Variants in RSRC1 observed in about 807,000 individuals in gnomAD.
The protein encoded by RSRC1 is arginine and serine rich coiled-coil 1.
A neutral mutation model predicts 49.1 loss-of-function variants in RSRC1; 39 were observed. The ratio of observed to expected loss-of-function variants is 0.79; its 90% confidence interval spans 0.61 to 1.04. The LOEUF is 1.04. Ranked by LOEUF, RSRC1 falls within the 50% of genes least tolerant of loss-of-function variation. The pLI is 0.00. For synonymous variants in RSRC1, 143 were observed against 130.8 expected (o/e 1.09, Z -0.63); for missense variants, 388 against 402.4 (o/e 0.96, Z 0.31).
At chr3:158,395,571 A>G (rs1414567369) in intron 6 of RSRC1, among the ~76,000 whole-genome samples, 3 of 152,168 alleles carry the variant, frequency 2.0e-5, no homozygotes, top group African/African-American at 7.2e-5. Flanking sequence ...CAAGTACACA[A>G]AAATGTGCTC....
At chr3:158,201,363 T>A (rs1721035579) in intron 3 of RSRC1, among the ~76,000 whole-genome samples, 1 of 152,282 alleles carries the variant, frequency 6.6e-6, no homozygotes, top group African/African-American at 2.4e-5. Flanking sequence ...CTTACTTGGT[T>A]TGTTGAACTT....
At chr3:158,463,811 C>T (rs2108409844) in intron 7 of RSRC1, among the ~76,000 whole-genome samples, 1 of 152,214 alleles carries the variant, frequency 6.6e-6, no homozygotes, top group Non-Finnish European at 1.5e-5. Context: ...CTTTGCCTTC[C>T]AGCCTTTAAC....
At chr3:158,315,192 A>T (rs1206269815) in intron 5 of RSRC1, among the ~76,000 whole-genome samples, 1 of 152,188 alleles carries the variant, frequency 6.6e-6, no homozygotes, top group East Asian at 1.9e-4. Context: ...CTTTGAATGG[A>T]TGGTTACATG....
At chr3:158,161,798 G>C (rs1467721757) in intron 3 of RSRC1, among the ~76,000 whole-genome samples, 1 of 151,918 alleles carries the variant, frequency 6.6e-6, no homozygotes, top group Non-Finnish European at 1.5e-5. Flanking sequence ...TAAAATGTGT[G>C]GCTACAAACA....
At chr3:158,371,961 G>T (rs1329751901) in intron 6 of RSRC1, among the ~76,000 whole-genome samples, 1 of 151,574 alleles carries the variant, frequency 6.6e-6, no homozygotes, top group East Asian at 1.9e-4. Context: ...GGTGAATGAT[G>T]TTAAGCACTC....
intron 6 of RSRC1, among the ~76,000 whole-genome samples, chr3:158,448,470 T>A (rs1242057123): frequency 1.3e-5 from 2 of 151,906 alleles, no homozygotes; most frequent in Non-Finnish European, 2.9e-5. Context: ...GCAAAAGGCT[T>A]ATACAAAAGG....
At chr3:158,247,030 C>G (rs1328194485) in intron 4 of RSRC1, among the ~76,000 whole-genome samples, 1 of 151,954 alleles carries the variant, frequency 6.6e-6, no homozygotes, top group Non-Finnish European at 1.5e-5. Context: ...TTCATAGATT[C>G]AGTCTCTTTA....
chr3:158,540,326 A>G (rs769652491), intron 8 of RSRC1, among the ~76,000 whole-genome samples: 5 of 152,196 alleles, frequency 3.3e-5, no homozygotes, highest in Non-Finnish European at 7.3e-5. Context: ...TTAAATGTCT[A>G]TAAAAGTTAA....
chr3:158,171,103 C>T (rs1224542415), intron 3 of RSRC1, among the ~76,000 whole-genome samples: 3 of 152,154 alleles, frequency 2.0e-5, no homozygotes, highest in Non-Finnish European at 4.4e-5. Flanking sequence ...GACCTGGACT[C>T]ACCCTTACAC....
At chr3:158,488,871 G>T (rs1738944873) in intron 7 of RSRC1, among the ~76,000 whole-genome samples, 1 of 152,146 alleles carries the variant, frequency 6.6e-6, no homozygotes, top group South Asian at 2.1e-4. Context: ...ATTGCATGAG[G>T]TCATGCAGCC....
chr3:158,489,176 T>C (rs889862969), intron 7 of RSRC1, among the ~76,000 whole-genome samples: 30 of 152,340 alleles, frequency 2.0e-4, no homozygotes, highest in African/African-American at 6.5e-4. Flanking sequence ...ACATAAAAGG[T>C]TTTTTCCTTC....
chr3:158,544,740 C>G lies in RSRC1; in HGVS notation c.*465C>G, dbSNP rs551222677. 1 of 152,140 alleles carries G rather than the reference C, an allele frequency of 6.6e-6. No homozygotes were observed. Among genetic ancestry groups the G allele is most frequent in the African/African-American group, 2.4e-5 (1 of 41,390 alleles). The allele number at this position is 152,140 out of a possible 1,614,324, so 9.4% of individuals were successfully genotyped here. ...ATTTTTAGGCACAATAAAAAGCACC[C>G]TAAACAATGTAAGCAGAATGTGCAT... is the stretch of plus-strand genomic sequence containing the variant. On this transcript the variant is annotated 3_prime_UTR_variant, in exon 10 of 10. Coordinates refer to ENST00000611884, the MANE Select transcript of RSRC1 (RefSeq NM_001271838.2).
At chr3:158,150,307 T>C (rs1717442024) in intron 3 of RSRC1, among the ~76,000 whole-genome samples, 1 of 152,228 alleles carries the variant, frequency 6.6e-6, no homozygotes, top group South Asian at 2.1e-4. Context: ...AGATTATGTT[T>C]GTTATTTGCC....
At chr3:158,208,340 T>C (rs1721462972) in intron 4 of RSRC1, among the ~76,000 whole-genome samples, 1 of 152,152 alleles carries the variant, frequency 6.6e-6, no homozygotes, top group Non-Finnish European at 1.5e-5. Context: ...TACTCCGTAG[T>C]CAGAGCAACT....
intron 6 of RSRC1, among the ~76,000 whole-genome samples, chr3:158,423,142 GT>G: frequency 6.6e-6 from 1 of 151,826 alleles, no homozygotes; most frequent in East Asian, 1.9e-4. Context: ...TAGACATGAA[GT>G]CCTTGCCCAT....
chr3:158,360,597 A>T (rs1731411178), intron 6 of RSRC1, among the ~76,000 whole-genome samples: 1 of 152,198 alleles, frequency 6.6e-6, no homozygotes, highest in Non-Finnish European at 1.5e-5. Context: ...TAGTGCCCAA[A>T]GTCTGGAGGG....
At chr3:158,112,036 AGTT>A (rs1714448640) in intron 1 of RSRC1, among the ~76,000 whole-genome samples, 1 of 151,984 alleles carries the variant, frequency 6.6e-6, no homozygotes, top group South Asian at 2.1e-4. Context: ...CTGTAGTGGG[AGTT>A]GTTGGGTGAG....
At chr3:158,181,543 T>C (rs1013458371) in intron 3 of RSRC1, among the ~76,000 whole-genome samples, 1 of 152,036 alleles carries the variant, frequency 6.6e-6, no homozygotes, top group Non-Finnish European at 1.5e-5. Flanking sequence ...ATAAAAATAG[T>C]TCATTTTATA....
chr3:158,518,148 ATTTTT>A (rs72132266), intron 7 of RSRC1, among the ~76,000 whole-genome samples: 1 of 44,142 alleles, frequency 2.3e-5, no homozygotes, highest in Non-Finnish European at 3.5e-5. Context: ...ATATATATAT[ATTTTT>A]TTTTTTTTTT....
Sources: allele counts gnomAD v4.1 joint callset (sites outside exome capture counted in the v4.1 genomes callset), GRCh38; gene constraint gnomAD v4.1.1; transcripts MANE v1.5; gene names NCBI Gene and HGNC (gene_info 2026-07-23, HGNC 2026-07-21).